Variants in TBC1D24 observed in about 807,000 individuals in gnomAD.
The protein encoded by TBC1D24 is Infantile myoclonic epilepsy.
In TBC1D24, 47 loss-of-function variants were observed where a neutral mutation model predicts 50.7. The ratio of observed to expected loss-of-function variants is 0.93; its 90% CI spans 0.73 to 1.18. TBC1D24 has a LOEUF of 1.18. Among genes scored for constraint, TBC1D24 ranks in the 50% most tolerant of loss-of-function variants. The probability of loss-of-function intolerance (pLI) is 0.00; values close to 1 mark genes in which losing one functional copy is unlikely to be tolerated. For synonymous variants in TBC1D24, 324 were observed against 335.2 expected (o/e 0.97, Z 0.36); for missense variants, 688 against 766.5 (o/e 0.90, Z 1.21).
At position 2,482,803 on chromosome 16, in the gene TBC1D24, C is replaced by T. The variant is rs1032681355; in HGVS notation, c.-116+7633C>T. 4.6e-5 allele frequency among the ~76,000 whole-genome samples: 7 copies of T among 152,144 alleles called. No individual in the cohort carries two copies. Among genetic ancestry groups the T allele is most frequent in the Middle Eastern group, 6.8e-3 (2 of 294 alleles). ...GTGGGCTCCATTGGAGAGACAGGCACGGGCGGTGGAGGAGCAGCCGCGGAG... is the reference window on the plus strand; with the variant it reads ...GTGGGCTCCATTGGAGAGACAGGCATGGGCGGTGGAGGAGCAGCCGCGGAG... On this transcript the variant is annotated intron_variant, in intron 1 of 7. Transcript: ENST00000646147. The surrounding 1 kb of genome is among the most constrained non-coding windows in gnomAD (Gnocchi z 5.2).
At position 2,500,688 on chromosome 16, in the gene TBC1D24, G is replaced by T; in HGVS notation, c.1526-116G>T. On this transcript the variant is annotated intron_variant, in intron 7 of 7. Transcript: ENST00000646147. This position sits in a 1 kb window ranked among gnomAD's most constrained non-coding sequence, Gnocchi z 8.0. ...GTCCTGGGGGCTATGGAGGGTCAACGGTCTGTGCGGTTTCAGAGAGGCCCG... is the reference window on the plus strand; with the variant it reads ...GTCCTGGGGGCTATGGAGGGTCAACTGTCTGTGCGGTTTCAGAGAGGCCCG... 1 of 1,425,618 alleles carries T rather than the reference G, an allele frequency of 7.0e-7. No homozygotes were observed. The highest frequency in any genetic ancestry group is 9.4e-7 in the Non-Finnish European group (1 of 1,065,628). The allele number at this position is 1,425,618 out of a possible 1,614,324, so 88.3% of individuals were successfully genotyped here. A position where few individuals can be genotyped will look rare whatever the true frequency, so the allele number is the denominator to read the frequency against.
intron 1 of TBC1D24, among the ~76,000 whole-genome samples, chr16:2,488,843 G>C (rs1395350336): frequency 6.9e-6 from 1 of 145,220 alleles, no homozygotes; most frequent in Non-Finnish European, 1.5e-5. Context: ...GGTGGATCAC[G>C]AGGTCAGGAG....
At chr16:2,480,944 G>C (rs954339727) in intron 1 of TBC1D24, 1 of 152,272 alleles carries the variant, frequency 6.6e-6, no homozygotes, top group Non-Finnish European at 1.5e-5. Context: ...CTTAGTCAGA[G>C]CCCCAAAGGA....
Position 2,498,221 on chromosome 16 carries a change from C to G in TBC1D24, c.984-17C>G. ...CAGACGTGCCTTCGGGCTCTGACCCCTGCTCGCTCCCCTCAGGCAGTTTGT... is the reference window on the plus strand; with the variant it reads ...CAGACGTGCCTTCGGGCTCTGACCCGTGCTCGCTCCCCTCAGGCAGTTTGT... On this transcript the variant is annotated splice_polypyrimidine_tract_variant and intron_variant, in intron 3 of 7. Transcript: ENST00000646147. The G allele has an allele frequency of 6.3e-7, 1 of 1,593,770 alleles. No homozygotes were observed. The highest frequency in any genetic ancestry group is 8.6e-7 in the Non-Finnish European group (1 of 1,169,414).
Position 2,476,266 on chromosome 16 carries a change from C to A in TBC1D24, c.-116+1096C>A, listed in dbSNP as rs140532977. Among the ~76,000 whole-genome samples the A allele has an allele frequency of 3.9e-5, 6 of 152,338 alleles. No homozygotes were observed. In the East Asian group the frequency reaches 9.7e-4, roughly 25 times the overall value. On this transcript the variant is annotated intron_variant, in intron 1 of 7. Coordinates refer to ENST00000646147, the MANE Select transcript of TBC1D24 (RefSeq NM_001199107.2). ...TCTGTCCTCAGCACACAGTAGGCAC[C>A]TGTAGATGGCACACGTGGCGTTTCC... is the stretch of plus-strand genomic sequence containing the variant.
chr16:2,488,132 G>T (rs553210926), intron 1 of TBC1D24, among the ~76,000 whole-genome samples: 1 of 152,302 alleles, frequency 6.6e-6, no homozygotes, highest in African/African-American at 2.4e-5. Flanking sequence ...CAGACGGCCC[G>T]CCTCCCAGCC....
At chr16:2,478,141 G>T (rs917109170) in intron 1 of TBC1D24, 14 of 152,362 alleles carry the variant, frequency 9.2e-5, no homozygotes, top group African/African-American at 3.4e-4. Context: ...CACCCAGAGA[G>T]ACATCAGCAC....
rs1372065582 is a variant in TBC1D24 at position 2,500,355 on chromosome 16, AC to A, written c.1392del (p.Ala465ProfsTer58). 1 of 1,609,280 alleles carries A rather than the reference AC, an allele frequency of 6.2e-7. No homozygotes were observed. Among genetic ancestry groups the A allele is most frequent in the Non-Finnish European group, 8.5e-7 (1 of 1,178,614 alleles). ...CCCACCCTTGATGGCTGCCGAGCCC[AC>A]CGCCCCACTCAGCCACTCCGCCTCC... Reference protein sequence around the residue: ...KPPPLMAAEPTAPLSHSASSD... With the variant: ...KPPPLMAAEPXAPLSHSASSD... On this transcript the variant is annotated frameshift_variant, in exon 7 of 8. Transcript: ENST00000646147. LOFTEE classifies it high-confidence loss of function. The surrounding 1 kb of genome is among the most constrained non-coding windows in gnomAD (Gnocchi z 8.0).
rs2141859490 is a variant in TBC1D24 at position 2,486,599 on chromosome 16, G to A, written c.-115-9435G>A. Reference sequence around the variant, plus strand: ...TCCTAGCGAACACTGACCTACGTTGGGACAGGGCTGCCTCTTGCCCAGGGG... The same window carrying A: ...TCCTAGCGAACACTGACCTACGTTGAGACAGGGCTGCCTCTTGCCCAGGGG... On this transcript the variant is annotated intron_variant, in intron 1 of 7. Coordinates refer to ENST00000646147, the MANE Select transcript of TBC1D24 (RefSeq NM_001199107.2). This position sits in a 1 kb window ranked among gnomAD's most constrained non-coding sequence, Gnocchi z 5.8. Among the ~76,000 whole-genome samples, 1 of 152,336 alleles carries A rather than the reference G, an allele frequency of 6.6e-6. No individual in the cohort carries two copies. The highest frequency in any genetic ancestry group is 1.9e-4 in the East Asian group (1 of 5,170).
chr16:2,504,765 T>G lies in TBC1D24; in HGVS notation c.*3807T>G, dbSNP rs2065822429. 1 of 152,066 alleles carries G rather than the reference T, an allele frequency of 6.6e-6. No homozygotes were observed. The highest frequency in any genetic ancestry group is 2.1e-4 in the South Asian group (1 of 4,824). 9.4% of individuals were successfully genotyped at this position (152,066 alleles called of 1,614,324 possible). ...CACTGTCCAGGAATCGATTTAATTT[T>G]TACAGTTGTTTACTTTCTCACATTT... On this transcript the variant is annotated 3_prime_UTR_variant, in exon 8 of 8. Transcript: ENST00000646147.
chr16:2,501,128 G>T lies in TBC1D24; in HGVS notation c.*170G>T, dbSNP rs1873235006. The T allele has an allele frequency of 1.1e-6, 1 of 869,934 alleles. No individual in the cohort carries two copies. The highest frequency in any genetic ancestry group is 1.7e-5 in the African/African-American group (1 of 59,176). The allele number at this position is 869,934 out of a possible 1,614,324, so 53.9% of individuals were successfully genotyped here. ...CTGGACCTGCTGCTGCCTCTACCTGGGGTTTGGGCTGGGCTTCCCCAGTCC... is the reference window on the plus strand; with the variant it reads ...CTGGACCTGCTGCTGCCTCTACCTGTGGTTTGGGCTGGGCTTCCCCAGTCC... On this transcript the variant is annotated 3_prime_UTR_variant, in exon 8 of 8. Transcript: ENST00000646147.
intron 1 of TBC1D24, among the ~76,000 whole-genome samples, chr16:2,489,960 C>T (rs1245590094): frequency 6.6e-6 from 1 of 152,222 alleles, no homozygotes; most frequent in Non-Finnish European, 1.5e-5. Context: ...GTCCGTGCTG[C>T]CCTCTGCGCC....
Position 2,499,514 on chromosome 16 carries a change from T to C in TBC1D24, c.1206+94T>C. On this transcript the variant is annotated intron_variant, in intron 5 of 7. Coordinates refer to ENST00000646147, the MANE Select transcript of TBC1D24 (RefSeq NM_001199107.2). The surrounding 1 kb of genome is among the most constrained non-coding windows in gnomAD (Gnocchi z 4.0). ...GCTGGCTCTGATGGGCTTCAGGGCC[T>C]AGGCCTCCTGGGCCAGATCCAGAGT... 2.6e-6 allele frequency: 3 copies of C among 1,158,456 alleles called. No homozygotes were observed. Among genetic ancestry groups the C allele is most frequent in the South Asian group, 1.3e-5 (1 of 77,462 alleles). 71.8% of individuals were successfully genotyped at this position (1,158,456 alleles called of 1,614,324 possible). A position where few individuals can be genotyped will look rare whatever the true frequency, so the allele number is the denominator to read the frequency against.
intron 2 of TBC1D24, among the ~76,000 whole-genome samples, 179 bp downstream of exon 2, chr16:2,497,292 C>T (rs959698285): frequency 3.3e-5 from 5 of 152,226 alleles, no homozygotes; most frequent in African/African-American, 1.2e-4. Flanking sequence ...CAGCCACAGA[C>T]GAGGGACATC....
Position 2,497,866 on chromosome 16 carries a change from C to T in TBC1D24, c.983+139C>T, listed in dbSNP as rs139536282. The T allele has an allele frequency of 5.5e-4, 472 of 861,722 alleles. 2 individuals carry two copies. The highest frequency in any genetic ancestry group is 7.9e-4 in the Non-Finnish European group (428 of 540,948). 53.4% of individuals were successfully genotyped at this position (861,722 alleles called of 1,614,324 possible). ...GCTGCCTCTGAGCCGGACTGATGCT[C>T]AGGCGCCTTCTGTCTGTCTGTCTGC... On this transcript the variant is annotated intron_variant, in intron 3 of 7. Coordinates refer to ENST00000646147, the MANE Select transcript of TBC1D24 (RefSeq NM_001199107.2).
chr16:2,498,195 C>G, intron 3 of TBC1D24, 43 bp from the exon 4 acceptor site: 1 of 1,558,994 alleles, frequency 6.4e-7, no homozygotes, highest in East Asian at 2.4e-5. Context: ...TGGCCTGGCC[C>G]CAGACGTGCC....
rs779963634 is a variant in TBC1D24 at position 2,500,432 on chromosome 16, C to T, written c.1467C>T (p.Asn489=). The T allele has an allele frequency of 5.1e-5, 81 of 1,602,130 alleles. No homozygotes were observed. The highest frequency in any genetic ancestry group is 6.6e-5 in the Non-Finnish European group (78 of 1,175,046). The change falls in exon 7 of 8, where the codon AAC becomes AAT. Residue 489 remains asparagine (N), a synonymous_variant. Transcript: ENST00000646147. The surrounding 1 kb of genome is among the most constrained non-coding windows in gnomAD (Gnocchi z 8.0). ...LSPFLAARHF[N]LPSKTESMFM... is the part of the protein sequence containing the mutation. ...CCTTCCTGGCCGCTCGCCACTTCAA[C>T]CTGCCCTCCAAGACCGAGTCCATGT...
In TBC1D24 at chr16:2,496,850, G is replaced by A. The variant is rs188739853; in HGVS notation, c.702G>A (p.Val234=). 2.2e-4 allele frequency: 349 copies of A among 1,614,114 alleles called. No individual in the cohort carries two copies. The highest frequency in any genetic ancestry group is 2.8e-4 in the Non-Finnish European group (329 of 1,180,044). Residue 234 remains valine (V), a synonymous_variant, in exon 2 of 8, where the codon GTG becomes GTA. Coordinates refer to ENST00000646147, the MANE Select transcript of TBC1D24 (RefSeq NM_001199107.2). ...CCCGGGTCTTTGACGTCTTCCTGGT[G>A]GAGGGCTACAAGGTGCTGTACCGCG... ...YFARVFDVFL[V]EGYKVLYRVA...
chr16:2,497,573 A>T, intron 2 of TBC1D24, 137 bp from the exon 3 acceptor site: 1 of 837,046 alleles, frequency 1.2e-6, no homozygotes, highest in Non-Finnish European at 2.0e-6. Context: ...TGATGGTGCC[A>T]CGCTGCGGCC....
Sources: gnomAD v4.1 joint callset for allele counts (sites outside exome capture counted in the v4.1 genomes callset) on GRCh38, gnomAD v4.1.1 for gene constraint, Gnocchi (gnomAD v3.1) non-coding constraint, MANE v1.5 for transcripts, NCBI Gene and HGNC (gene_info 2026-07-23, HGNC 2026-07-21) for gene names.